The following FGD4 variants were observed in gnomAD, a reference collection of about 807,000 sequenced individuals.
The protein encoded by FGD4 is FYVE, RhoGEF and PH domain containing 4.
Under a neutral mutation model 102.0 loss-of-function variants are expected in FGD4, and 42 were observed. The ratio of observed to expected loss-of-function variants is 0.41; its 90% CI spans 0.32 to 0.53. The LOEUF is 0.53. Ranked by LOEUF, FGD4 falls within the 20% of genes least tolerant of loss-of-function variation. The pLI is 0.21. For synonymous variants in FGD4, 380 were observed against 375.7 expected (o/e 1.01, Z -0.13); for missense variants, 902 against 1,078.2 (o/e 0.84, Z 2.29).
intron 10 of FGD4, among the ~76,000 whole-genome samples, chr12:32,618,553 C>T (rs1157160568): frequency 1.3e-5 from 2 of 152,002 alleles, no homozygotes; most frequent in Non-Finnish European, 2.9e-5. Context: ...AAATTGCTGA[C>T]CAGATGCTAT....
Position 32,645,608 on chromosome 12 carries a change from A to G in FGD4, c.*5075A>G, listed in dbSNP as rs1490695119. ...AACATGGCAAAACCCTGTCTCTACA[A>G]AAATTAGCCAGGTGTGGTGGCACAT... On this transcript the variant is annotated 3_prime_UTR_variant, in exon 17 of 17. Transcript: ENST00000534526. 6.6e-6 allele frequency: 1 copy of G among 152,308 alleles called. No individual in the cohort carries two copies. The highest frequency in any genetic ancestry group is 2.4e-5 in the African/African-American group (1 of 41,464). The allele number at this position is 152,308 out of a possible 1,614,324, so 9.4% of individuals were successfully genotyped here. A position where few individuals can be genotyped will look rare whatever the true frequency, so the allele number is the denominator to read the frequency against.
chr12:32,421,560 T>C (rs2136417420), intron 1 of FGD4, among the ~76,000 whole-genome samples: 1 of 152,326 alleles, frequency 6.6e-6, no homozygotes, highest in South Asian at 2.1e-4. Context: ...CTTGTAGCTT[T>C]CTCTATCATA....
At position 32,640,928 on chromosome 12, in the gene FGD4, A is replaced by T. The variant is rs943176320; in HGVS notation, c.*395A>T. 4 of 343,636 alleles carry T rather than the reference A, an allele frequency of 1.2e-5. No homozygotes were observed. The highest frequency in any genetic ancestry group is 8.5e-5 in the African/African-American group (4 of 47,252). The allele number at this position is 343,636 out of a possible 1,614,324, so 21.3% of individuals were successfully genotyped here. On this transcript the variant is annotated 3_prime_UTR_variant, in exon 17 of 17. Coordinates refer to ENST00000534526, the MANE Select transcript of FGD4 (RefSeq NM_001370298.3). Reference sequence around the variant, plus strand: ...GAAAGATATACCTCCATGTTGCCAAAATAGATCCATGGTGAAAAATACAGG... The same window carrying T: ...GAAAGATATACCTCCATGTTGCCAATATAGATCCATGGTGAAAAATACAGG...
At chr12:32,399,997 C>A in intron 1 of FGD4, 38 bp downstream of exon 1, 1 of 1,424,266 alleles carries the variant, frequency 7.0e-7, no homozygotes, top group Non-Finnish European at 9.1e-7. Context: ...GTGGCCCCGG[C>A]GCGTAGGTGC....
rs1448123784 is a variant in FGD4 at position 32,399,802 on chromosome 12, C to A, written c.9C>A (p.Asp3Glu). The change falls in exon 1 of 17, where the codon GAC becomes GAA. Residue 3 changes from aspartate (D) to glutamate (E), a missense_variant. This residue lies in a region of FGD4 where 443 missense variants were observed against 459.2 expected (regional missense o/e 0.96). Coordinates refer to ENST00000534526, the MANE Select transcript of FGD4 (RefSeq NM_001370298.3). ...CGGTCGAGCCCGGCAGGATGAGCGA[C>A]GAGGGCGGCTCCAACTTCAGGCGGG... MS[D>E]EGGSNFRRVA... 6.5e-7 allele frequency: 1 copy of A among 1,530,496 alleles called. No homozygotes were observed. Among genetic ancestry groups the A allele is most frequent in the African/African-American group, 1.4e-5 (1 of 72,062 alleles). The allele number at this position is 1,530,496 out of a possible 1,614,324, so 94.8% of individuals were successfully genotyped here.
intron 1 of FGD4, among the ~76,000 whole-genome samples, chr12:32,555,091 G>A (rs1943982349): frequency 6.6e-6 from 1 of 152,234 alleles, no homozygotes; most frequent in Non-Finnish European, 1.5e-5. Flanking sequence ...TCTTACTGCT[G>A]TAATTCAGTT....
chr12:32,611,107 G>A (rs1565904320), intron 9 of FGD4, 30 bp from the exon 10 acceptor site: 1 of 1,613,796 alleles, frequency 6.2e-7, no homozygotes, highest in Non-Finnish European at 8.5e-7. Context: ...AAACCTGCCT[G>A]TATGTGATCT....
chr12:32,595,726 C>T (rs1009479453), intron 4 of FGD4, among the ~76,000 whole-genome samples: 1 of 152,148 alleles, frequency 6.6e-6, no homozygotes, highest in African/African-American at 2.4e-5. Context: ...GGCTGGCAAC[C>T]AACAATGCCA....
At chr12:32,564,041 GA>G (rs1944967279) in intron 1 of FGD4, 95 bp from the exon 2 acceptor site, 2 of 1,127,888 alleles carry the variant, frequency 1.8e-6, no homozygotes, top group Admixed American at 5.3e-5. Flanking sequence ...GGGGGAGGGG[GA>G]GGGAGAGGGA....
chr12:32,418,993 C>T (rs904292796), intron 1 of FGD4, among the ~76,000 whole-genome samples: 1 of 152,170 alleles, frequency 6.6e-6, no homozygotes, highest in South Asian at 2.1e-4. Context: ...CTGTGGCTGC[C>T]ATCACCACTG....
chr12:32,544,722 C>A lies in FGD4; in HGVS notation c.167-19415C>A, dbSNP rs1174277556. Among the ~76,000 whole-genome samples the A allele has an allele frequency of 7.0e-6, 1 of 142,792 alleles. No homozygotes were observed. The highest frequency in any genetic ancestry group is 1.5e-5 in the Non-Finnish European group (1 of 66,590). The allele number at this position is 142,792 out of a possible 152,430, so 93.7% of individuals were successfully genotyped here. On this transcript the variant is annotated intron_variant, in intron 1 of 16. Coordinates refer to ENST00000534526, the MANE Select transcript of FGD4 (RefSeq NM_001370298.3). This position sits in a 1 kb window ranked among gnomAD's most constrained non-coding sequence, Gnocchi z 4.1. ...ACTCCAGCCTGGTGACAGAAGGATA[C>A]TCTGTCTCCAAAAAAAAAAAATTAC...
chr12:32,497,121 G>A (rs1405189218), intron 1 of FGD4, among the ~76,000 whole-genome samples: 1 of 152,020 alleles, frequency 6.6e-6, no homozygotes, highest in Non-Finnish European at 1.5e-5. Context: ...TGTTTTTTTG[G>A]CAGTGTATAC....
intron 14 of FGD4, among the ~76,000 whole-genome samples, chr12:32,632,734 G>T (rs1434393782): frequency 1.4e-5 from 2 of 140,294 alleles, no homozygotes; most frequent in East Asian, 2.0e-4. Flanking sequence ...TTGAGACAGG[G>T]TCTTGCTTTG....
At chr12:32,407,744 G>A (rs1049228051) in intron 1 of FGD4, among the ~76,000 whole-genome samples, 5 of 151,996 alleles carry the variant, frequency 3.3e-5, no homozygotes, top group African/African-American at 9.7e-5. Flanking sequence ...AATTTGTGCC[G>A]ATACACAATT....
chr12:32,418,814 A>T (rs1941522060), intron 1 of FGD4, among the ~76,000 whole-genome samples: 1 of 152,180 alleles, frequency 6.6e-6, no homozygotes, highest in East Asian at 1.9e-4. Context: ...GAGTTCCCCT[A>T]GGCCCCAGAT....
intron 1 of FGD4, among the ~76,000 whole-genome samples, chr12:32,458,347 G>GTGTTTTTTT (rs1943003015): frequency 6.6e-6 from 1 of 151,056 alleles, no homozygotes; most frequent in African/African-American, 2.4e-5. Context: ...TGTGTCTTTT[G>GTGTTTTTTT]TGTTTTTTTT....
At chr12:32,513,724 A>AAC (rs1939617976) in intron 1 of FGD4, among the ~76,000 whole-genome samples, 1 of 152,166 alleles carries the variant, frequency 6.6e-6, no homozygotes, top group Non-Finnish European at 1.5e-5. Flanking sequence ...AAGTGTCAGG[A>AAC]ACAGCTCTGA....
Position 32,640,413 on chromosome 12 carries a change from G to A in FGD4, c.2592G>A (p.Leu864=), listed in dbSNP as rs1201991875. 1 of 1,614,200 alleles carries A rather than the reference G, an allele frequency of 6.2e-7. No individual in the cohort carries two copies. The highest frequency in any genetic ancestry group is 8.5e-7 in the Non-Finnish European group (1 of 1,180,030). The stretch of plus-strand genomic sequence containing the variant: ...GCTTTGCTGCAGACAGTGAGGAACT[G>A]AAGCAGAAGTGGCTGAAAGTCATCC... ...VHSFAADSEE[L]KQKWLKVILL... is the part of the protein sequence containing the mutation. Residue 864 remains leucine (L), a synonymous_variant, in exon 17 of 17, where the codon CTG becomes CTA. Transcript: ENST00000534526.
chr12:32,631,073 G>T (rs1164887563), intron 14 of FGD4, among the ~76,000 whole-genome samples: 1 of 152,070 alleles, frequency 6.6e-6, no homozygotes, highest in East Asian at 1.9e-4. Flanking sequence ...AAATTCCCCT[G>T]TTGTTTATGC....
Sources: allele counts gnomAD v4.1 joint callset (sites outside exome capture counted in the v4.1 genomes callset), GRCh38; gene constraint gnomAD v4.1.1; regional missense constraint gnomAD v4.1.1; non-coding constraint Gnocchi (gnomAD v3.1); transcripts MANE v1.5; gene names NCBI Gene and HGNC (gene_info 2026-07-23, HGNC 2026-07-21).